Variants in REEP1 observed in about 807,000 individuals in gnomAD.
REEP1 encodes the protein receptor accessory protein 1, also known as receptor expression-enhancing protein 1.
A neutral mutation model predicts 40.3 loss-of-function variants in REEP1; 22 were observed. The observed-to-expected ratio is 0.55, with a 90% CI of 0.39 to 0.78. The LOEUF (loss-of-function observed/expected upper bound fraction) is 0.78. Among genes scored for constraint, REEP1 ranks in the 30% least tolerant of loss-of-function variants. REEP1 has a pLI of 0.00. For synonymous variants in REEP1, 116 were observed against 139.2 expected (o/e 0.83, Z 1.17); for missense variants, 280 against 361.1 (o/e 0.78, Z 1.82).
chr2:86,239,277 A>G (rs1675542278), intron 5 of REEP1, among the ~76,000 whole-genome samples: 1 of 151,558 alleles, frequency 6.6e-6, no homozygotes, highest in Admixed American at 6.6e-5. Flanking sequence ...ACACAGAACT[A>G]AGAAGGAGCA....
intron 1 of REEP1, among the ~76,000 whole-genome samples, chr2:86,305,181 G>A (rs191293422): frequency 1.3e-5 from 2 of 152,312 alleles, no homozygotes; most frequent in Admixed American, 1.3e-4. Flanking sequence ...CCCTCATGAG[G>A]CCCAGATGGT....
intron 1 of REEP1, chr2:86,336,976 C>A (rs1184730162): frequency 6.6e-6 from 1 of 152,516 alleles, no homozygotes; most frequent in African/African-American, 2.4e-5. Context: ...CCACTGGGAG[C>A]CCCGCCTCTG....
intron 1 of REEP1, among the ~76,000 whole-genome samples, chr2:86,295,967 GA>G (rs2104443199): frequency 6.6e-6 from 1 of 152,254 alleles, no homozygotes; most frequent in Non-Finnish European, 1.5e-5. Context: ...TCACTAAGGA[GA>G]AAAAAATTCC....
intron 1 of REEP1, among the ~76,000 whole-genome samples, chr2:86,294,913 A>G (rs1299045160): frequency 6.6e-6 from 1 of 152,172 alleles, no homozygotes; most frequent in African/African-American, 2.4e-5. Flanking sequence ...CACGGTTGTT[A>G]CCTCACTAGA....
chr2:86,285,435 T>C lies in REEP1; in HGVS notation c.33-3193A>G, dbSNP rs145406658. Among the ~76,000 whole-genome samples, 1,263 of 152,362 alleles carry C rather than the reference T, an allele frequency of 8.3e-3. 13 individuals carry two copies. The highest frequency in any genetic ancestry group is 0.029 in the African/African-American group (1,189 of 41,576). ...CATTTAAAATAATATTATTATATCATTGAGTGTTCACTAATGCCAGGCACT... is the reference window on the plus strand; with the variant it reads ...CATTTAAAATAATATTATTATATCACTGAGTGTTCACTAATGCCAGGCACT... On this transcript the variant is annotated intron_variant, in intron 1 of 8. Transcript: ENST00000538924.
At position 86,325,620 on chromosome 2, in the gene REEP1, A is replaced by C. The variant is rs116652981; in HGVS notation, c.32+11859T>G. Among the ~76,000 whole-genome samples, 878 of 152,318 alleles carry C rather than the reference A, an allele frequency of 5.8e-3. 4 individuals carry two copies. The highest frequency in any genetic ancestry group is 0.019 in the African/African-American group (802 of 41,576). On this transcript the variant is annotated intron_variant, in intron 1 of 8. Transcript: ENST00000538924. ...GCAGAACAGAAGACAGTGTGATCAC[A>C]GAAGCAGAGACTACAGTAATGCAGC...
rs375445585 is a variant in REEP1 at position 86,217,086 on chromosome 2, G to C, written c.808C>G (p.Arg270Gly). The change falls in exon 9 of 9, where the codon CGC becomes GGC. Residue 270 changes from arginine (R) to glycine (G), a missense_variant. By Grantham distance (125) the Arg-to-Gly change is moderately radical. Coordinates refer to ENST00000538924, the MANE Select transcript of REEP1 (RefSeq NM_001371279.1). ...LEAPPRILRS[R>G]FRKKSTSSSA... ...GATGAGGTACTTTTCTTCCTGAAGC[G>C]AGATCGAAGGATTCTAGGCGGTGCC... The C allele has an allele frequency of 1.9e-6, 3 of 1,614,096 alleles. No homozygotes were observed. The highest frequency in any genetic ancestry group is 3.3e-5 in the Admixed American group (2 of 60,024).
At position 86,329,314 on chromosome 2, in the gene REEP1, C is replaced by T. The variant is rs543881563; in HGVS notation, c.32+8165G>A. Among the ~76,000 whole-genome samples the T allele has an allele frequency of 2.1e-4, 32 of 152,302 alleles. No homozygotes were observed. In the South Asian group the frequency reaches 6.6e-3, roughly 32 times the overall value. ...GCAGGAAAACAGGGATAACTGTTCT[C>T]ATTTAGGGCCGCAGTTTCCAGGCTT... On this transcript the variant is annotated intron_variant, in intron 1 of 8. Coordinates refer to ENST00000538924, the MANE Select transcript of REEP1 (RefSeq NM_001371279.1).
At chr2:86,279,067 G>A (rs1211502062) in intron 2 of REEP1, among the ~76,000 whole-genome samples, 1 of 152,216 alleles carries the variant, frequency 6.6e-6, no homozygotes, top group African/African-American at 2.4e-5. Context: ...TGGTTCCCCT[G>A]TGTGGCCCTA....
intron 5 of REEP1, among the ~76,000 whole-genome samples, chr2:86,241,490 G>C (rs1327709254): frequency 6.6e-6 from 1 of 152,184 alleles, no homozygotes; most frequent in Non-Finnish European, 1.5e-5. Flanking sequence ...GCAGTACCCT[G>C]GGGTGTGAGA....
intron 5 of REEP1, among the ~76,000 whole-genome samples, chr2:86,250,189 G>A (rs1192123220): frequency 6.6e-6 from 1 of 152,192 alleles, no homozygotes; most frequent in Non-Finnish European, 1.5e-5. Context: ...GCCTGCAGAA[G>A]TTATTGTCAG....
At chr2:86,331,188 T>A (rs930366124) in intron 1 of REEP1, among the ~76,000 whole-genome samples, 2 of 152,204 alleles carry the variant, frequency 1.3e-5, no homozygotes, top group Non-Finnish European at 2.9e-5. Context: ...TAACTTCATA[T>A]CTTCCCAACT....
At chr2:86,336,214 T>C (rs1681023147) in intron 1 of REEP1, among the ~76,000 whole-genome samples, 2 of 152,114 alleles carry the variant, frequency 1.3e-5, no homozygotes, top group South Asian at 4.2e-4. Flanking sequence ...CACCTCAAGG[T>C]GCAGCGCAAA....
At chr2:86,276,622 T>C in intron 2 of REEP1, among the ~76,000 whole-genome samples, 1 of 152,118 alleles carries the variant, frequency 6.6e-6, no homozygotes, top group East Asian at 1.9e-4. Flanking sequence ...TTTTATGAGA[T>C]TGGTGTGCAG....
At chr2:86,240,168 C>G (rs1172681554) in intron 5 of REEP1, 1 of 152,512 alleles carries the variant, frequency 6.6e-6, no homozygotes, top group East Asian at 1.9e-4. Flanking sequence ...CCCATCACTC[C>G]CTCGCTCGCT....
chr2:86,238,555 G>A (rs1247965948), intron 5 of REEP1, among the ~76,000 whole-genome samples: 2 of 152,206 alleles, frequency 1.3e-5, no homozygotes, highest in South Asian at 2.1e-4. Flanking sequence ...TGGAGCTGCC[G>A]CCTGGGTGAA....
At chr2:86,259,113 C>G (rs1676719983) in intron 3 of REEP1, among the ~76,000 whole-genome samples, 1 of 151,990 alleles carries the variant, frequency 6.6e-6, no homozygotes, top group African/African-American at 2.4e-5. Context: ...CGAGACCATC[C>G]TGGCTAACAT....
intron 5 of REEP1, among the ~76,000 whole-genome samples, 184 bp from the exon 6 acceptor site, chr2:86,232,986 G>A (rs766021740): frequency 6.6e-6 from 1 of 152,166 alleles, no homozygotes; most frequent in Non-Finnish European, 1.5e-5. Context: ...GAATTTTCCA[G>A]GGCCTCCTCT....
chr2:86,337,988 C>A (rs1439831716), upstream of REEP1: 51 of 1,524,296 alleles, frequency 3.3e-5, no homozygotes, highest in East Asian at 1.2e-3. The surrounding 1 kb of genome is among the most constrained non-coding windows in gnomAD (Gnocchi z 5.8). Context: ...TGTCATCCCT[C>A]ATTCAGCTAG....
Sources: gnomAD v4.1 joint callset for allele counts (sites outside exome capture counted in the v4.1 genomes callset) on GRCh38, gnomAD v4.1.1 for gene constraint, Gnocchi (gnomAD v3.1) non-coding constraint, MANE v1.5 for transcripts, NCBI Gene and HGNC (gene_info 2026-07-23, HGNC 2026-07-21) for gene names.